Variants in ZNF723 observed in about 807,000 individuals in gnomAD.
The protein encoded by ZNF723 is zinc finger protein 723, pseudogene.
ZNF723 carries 5 observed loss-of-function variants against 9.4 expected under a neutral mutation model. The observed-to-expected ratio is 0.53, with a 90% confidence interval of 0.28 to 1.12. The LOEUF (loss-of-function observed/expected upper bound fraction) is 1.12. ZNF723 is among the 50% of genes most tolerant of loss of function. ZNF723 has a pLI of 0.10. For missense variants in ZNF723, 450 were observed against 501.5 expected (o/e 0.90, Z 0.98); for synonymous variants, 158 against 168.8 (o/e 0.94, Z 0.49).
At chr19:22,842,098 A>G (rs12977975) in intron 1 of ZNF723, among the ~76,000 whole-genome samples, 31,976 of 151,982 alleles carry the variant, frequency 0.21, 3,999 homozygotes, top group African/African-American at 0.35. Flanking sequence ...TCCACCTCCT[A>G]GGTTCAAGCG....
chr19:22,812,768 CTT>C, the ZNF723 span, among the ~76,000 whole-genome samples: 1 of 152,112 alleles, frequency 6.6e-6, no homozygotes, highest in African/African-American at 2.4e-5. Flanking sequence ...GAAATTGACT[CTT>C]ATATGTAGAT....
chr19:22,843,352 TTCTA>T (rs1342180178), intron 1 of ZNF723, among the ~76,000 whole-genome samples: 5 of 152,176 alleles, frequency 3.3e-5, no homozygotes, highest in Admixed American at 3.3e-4. Context: ...TTAATTCTGC[TTCTA>T]TCTCAGTGTA....
At chr19:22,854,498 T>G (rs1184397278) in intron 3 of ZNF723, among the ~76,000 whole-genome samples, 1 of 151,070 alleles carries the variant, frequency 6.6e-6, no homozygotes, top group African/African-American at 2.5e-5. Context: ...TAATTGTATA[T>G]ATATTTAAAT....
Position 22,832,492 on chromosome 19 carries a change from G to A in ZNF723, c.3+110G>A, listed in dbSNP as rs892158471. ...CCCTGCTGTCAGCCCCACAATCTGC[G>A]CTCGGAGTTCTAGCCTGGCCCGGCC... On this transcript the variant is annotated intron_variant, in intron 1 of 3. Coordinates refer to ENST00000600766, the MANE Select transcript of ZNF723 (RefSeq NM_001349726.2). 8.6e-6 allele frequency: 10 copies of A among 1,169,290 alleles called. No homozygotes were observed. The African/African-American group carries it at 1.4e-4, about 16-fold the overall frequency. The allele number at this position is 1,169,290 out of a possible 1,614,324, so 72.4% of individuals were successfully genotyped here. A position where few individuals can be genotyped will look rare whatever the true frequency, so the allele number is the denominator to read the frequency against.
At position 22,857,961 on chromosome 19, in the gene ZNF723, C is replaced by G. The variant is rs1342332636; in HGVS notation, c.1070C>G (p.Thr357Ser). ...GKAFSQSSHI[T>S]THKRIHTGEK... ...GCATTCAGCCAGTCCTCACACATTACTACACATAAGAGAATTCACACTGGA... is the reference window on the plus strand; with the variant it reads ...GCATTCAGCCAGTCCTCACACATTAGTACACATAAGAGAATTCACACTGGA... Residue 357 changes from threonine to serine, a missense_variant, in exon 4 of 4, where the codon ACT becomes AGT. By Grantham distance (58) the Thr-to-Ser change is moderately conservative. Around this residue, in one of 5 missense-constraint regions of ZNF723, gnomAD observed 237 missense variants for 332.2 expected, o/e 0.71. Transcript: ENST00000600766. 29 of 1,508,888 alleles carry G rather than the reference C, an allele frequency of 1.9e-5. No individual in the cohort carries two copies. Among genetic ancestry groups the G allele is most frequent in the Non-Finnish European group, 2.6e-5 (29 of 1,094,822 alleles). The allele number at this position is 1,508,888 out of a possible 1,614,324, so 93.5% of individuals were successfully genotyped here.
chr19:22,839,713 G>A (rs568305055), intron 1 of ZNF723, among the ~76,000 whole-genome samples: 2 of 152,058 alleles, frequency 1.3e-5, no homozygotes, highest in East Asian at 1.9e-4. Flanking sequence ...GGCCTCAAGT[G>A]ATCCACCCAT....
chr19:22,839,323 G>T (rs1237037186), intron 1 of ZNF723, among the ~76,000 whole-genome samples: 1 of 152,150 alleles, frequency 6.6e-6, no homozygotes, highest in Non-Finnish European at 1.5e-5. Context: ...TTATGAGGGT[G>T]CTGGGTCAAA....
chr19:22,818,825 C>G, the ZNF723 span, among the ~76,000 whole-genome samples: 1 of 152,094 alleles, frequency 6.6e-6, no homozygotes, highest in Non-Finnish European at 1.5e-5. Flanking sequence ...ACCCAGCACC[C>G]AGGTTATGAG....
chr19:22,858,051 A>G lies in ZNF723; in HGVS notation c.1160A>G (p.His387Arg). 2 of 1,523,478 alleles carry G rather than the reference A, an allele frequency of 1.3e-6. No homozygotes were observed. The highest frequency in any genetic ancestry group is 1.8e-6 in the Non-Finnish European group (2 of 1,098,680). The allele number at this position is 1,523,478 out of a possible 1,614,324, so 94.4% of individuals were successfully genotyped here. ...AFKVSVHLTT[H>R]KRIHTGEKPY... Reference sequence around the variant, plus strand: ...AAAGTATCTGTACACCTTACTACACATAAGAGAATTCATACTGGAGAGAAA... The same window carrying G: ...AAAGTATCTGTACACCTTACTACACGTAAGAGAATTCATACTGGAGAGAAA... Residue 387 changes from histidine to arginine, a missense_variant, in exon 4 of 4, where the codon CAT becomes CGT. Coordinates refer to ENST00000600766, the MANE Select transcript of ZNF723 (RefSeq NM_001349726.2).
chr19:22,817,246 T>C, the ZNF723 span, among the ~76,000 whole-genome samples: 23 of 152,184 alleles, frequency 1.5e-4, no homozygotes, highest in Non-Finnish European at 3.2e-4. Flanking sequence ...AATTGTGAAA[T>C]ATCACTGGAC....
the ZNF723 span, among the ~76,000 whole-genome samples, chr19:22,817,946 G>A: frequency 6.6e-6 from 1 of 151,928 alleles, no homozygotes; most frequent in African/African-American, 2.4e-5. Context: ...ATACTCTCAT[G>A]AATAAACAGA....
chr19:22,815,233 G>C, the ZNF723 span, among the ~76,000 whole-genome samples: 1 of 152,100 alleles, frequency 6.6e-6, no homozygotes, highest in African/African-American at 2.4e-5. Flanking sequence ...GGGCTGGGAT[G>C]CTCTGGCTTG....
chr19:22,828,185 G>A (rs528471120), upstream of ZNF723, among the ~76,000 whole-genome samples: 1 of 152,134 alleles, frequency 6.6e-6, no homozygotes, highest in Non-Finnish European at 1.5e-5. Flanking sequence ...ATAGTCTCTT[G>A]TTGACTGGCC....
upstream of ZNF723, among the ~76,000 whole-genome samples, chr19:22,829,832 C>G (rs544174448): frequency 7.9e-5 from 12 of 152,218 alleles, no homozygotes; most frequent in East Asian, 2.3e-3. Context: ...AGAATGTCAA[C>G]TGTTCAAATC....
At chr19:22,842,737 A>C (rs1428398740) in intron 1 of ZNF723, among the ~76,000 whole-genome samples, 1 of 152,138 alleles carries the variant, frequency 6.6e-6, no homozygotes, top group Non-Finnish European at 1.5e-5. Context: ...TGCTTGCTGT[A>C]ACACCCAAGA....
At chr19:22,844,843 C>T (rs531705499) in intron 1 of ZNF723, among the ~76,000 whole-genome samples, 82 of 152,298 alleles carry the variant, frequency 5.4e-4, no homozygotes, top group African/African-American at 1.7e-3. Context: ...ACATTCATGG[C>T]CGGCGTGGTG....
chr19:22,846,033 T>C lies in ZNF723; in HGVS notation c.4-2228T>C, dbSNP rs529245873. 1.1e-3 allele frequency among the ~76,000 whole-genome samples: 162 copies of C among 152,246 alleles called. 4 individuals are homozygous for C. The South Asian group carries it at 0.023, about 21-fold the overall frequency. ...CTAATGAGTTTGTTTTAACTACTTT[T>C]GAAAATTTTATTGATAGTCAAGGGT... On this transcript the variant is annotated intron_variant, in intron 1 of 3. Coordinates refer to ENST00000600766, the MANE Select transcript of ZNF723 (RefSeq NM_001349726.2).
intron 3 of ZNF723, among the ~76,000 whole-genome samples, chr19:22,853,906 A>G (rs1967432743): frequency 6.6e-6 from 1 of 152,178 alleles, no homozygotes; most frequent in African/African-American, 2.4e-5. Context: ...GAGTCATCAC[A>G]ACCGGCCATA....
At chr19:22,836,752 T>C (rs1967173106) in intron 1 of ZNF723, among the ~76,000 whole-genome samples, 1 of 152,244 alleles carries the variant, frequency 6.6e-6, no homozygotes, top group Non-Finnish European at 1.5e-5. Flanking sequence ...AGAAAAAGAT[T>C]TGCAGAGTCT....
Sources: gnomAD v4.1 joint callset for allele counts (sites outside exome capture counted in the v4.1 genomes callset) on GRCh38, gnomAD v4.1.1 for gene constraint, gnomAD v4.1.1 regional missense constraint, MANE v1.5 for transcripts, NCBI Gene and HGNC (gene_info 2026-07-23, HGNC 2026-07-21) for gene names.